Variants in IFNG-AS1 observed in about 807,000 individuals in gnomAD.
IFNG-AS1 encodes the protein IFNG regulatory antisense RNA 1.
chr12:68,002,699 G>A (rs367857431), intron 2 of IFNG-AS1, among the ~76,000 whole-genome samples: 10 of 152,204 alleles, frequency 6.6e-5, no homozygotes, highest in Non-Finnish European at 1.0e-4. Flanking sequence ...ATCATTTCCC[G>A]CCTGCTCCCT....
chr12:68,009,465 C>T (rs1179330503), intron 3 of IFNG-AS1, among the ~76,000 whole-genome samples: 4 of 152,276 alleles, frequency 2.6e-5, no homozygotes, highest in Non-Finnish European at 4.4e-5. Context: ...CCTCAGCCTC[C>T]TGAGTAGCTG....
At chr12:68,008,934 C>T (rs1197280542) in intron 3 of IFNG-AS1, among the ~76,000 whole-genome samples, 1 of 152,182 alleles carries the variant, frequency 6.6e-6, no homozygotes, top group African/African-American at 2.4e-5. Flanking sequence ...GTGTCTGCTA[C>T]AAGCACTCCA....
At chr12:68,020,482 C>G (rs1053070333) in intron 4 of IFNG-AS1, 1 of 152,076 alleles carries the variant, frequency 6.6e-6, no homozygotes, top group Admixed American at 6.6e-5. Flanking sequence ...GAGAGAGGGC[C>G]AAAAGTTCTT....
chr12:68,013,160 A>G (rs1159820640), intron 3 of IFNG-AS1, among the ~76,000 whole-genome samples: 3 of 152,238 alleles, frequency 2.0e-5, no homozygotes, highest in African/African-American at 7.2e-5. Flanking sequence ...AATTTTATTG[A>G]ATTAGTTTGC....
intron 2 of IFNG-AS1, among the ~76,000 whole-genome samples, chr12:68,003,567 G>T (rs1427561579): frequency 1.3e-5 from 2 of 152,052 alleles, no homozygotes; most frequent in Non-Finnish European, 2.9e-5. Context: ...ACTCAGGTCA[G>T]ATGGATTTCC....
At chr12:68,016,631 T>C (rs2120479451) in intron 3 of IFNG-AS1, among the ~76,000 whole-genome samples, 1 of 152,322 alleles carries the variant, frequency 6.6e-6, no homozygotes, top group Non-Finnish European at 1.5e-5. Flanking sequence ...TGGCACTTAG[T>C]AAGTATGATC....
upstream of IFNG-AS1, chr12:67,989,485 C>T (rs1174880262): frequency 3.3e-5 from 5 of 152,144 alleles, no homozygotes; most frequent in African/African-American, 9.7e-5. Flanking sequence ...AAAGAGATCT[C>T]AAGTATACCT....
intron 1 of IFNG-AS1, among the ~76,000 whole-genome samples, chr12:67,995,722 CAAAAA>C (rs34179056): frequency 1.3e-5 from 1 of 77,346 alleles, no homozygotes; most frequent in Non-Finnish European, 2.6e-5. Context: ...ACTCGGTCTC[CAAAAA>C]AAAAAAAAAA....
intron 3 of IFNG-AS1, among the ~76,000 whole-genome samples, chr12:68,018,184 C>T (rs566288900): frequency 1.3e-5 from 2 of 152,190 alleles, no homozygotes; most frequent in African/African-American, 2.4e-5. Context: ...ATAGAATTTA[C>T]CACATGGGTT....
chr12:68,005,512 A>G (rs1006144391), intron 2 of IFNG-AS1, among the ~76,000 whole-genome samples: 1 of 152,234 alleles, frequency 6.6e-6, no homozygotes, highest in African/African-American at 2.4e-5. Context: ...ACCAAATCAA[A>G]ACAATGATCC....
intron 1 of IFNG-AS1, among the ~76,000 whole-genome samples, chr12:67,991,822 C>A (rs1302997943): frequency 6.6e-6 from 1 of 152,206 alleles, no homozygotes; most frequent in African/African-American, 2.4e-5. Flanking sequence ...ATTCTGCCAT[C>A]TCTTAGCTCT....
intron 3 of IFNG-AS1, among the ~76,000 whole-genome samples, chr12:68,006,475 G>A (rs1879908032): frequency 6.6e-6 from 1 of 152,080 alleles, no homozygotes; most frequent in South Asian, 2.1e-4. Context: ...ACTCATGAAG[G>A]AAGGGATCAG....
At chr12:68,004,480 G>A (rs1879862639) in intron 2 of IFNG-AS1, among the ~76,000 whole-genome samples, 2 of 152,142 alleles carry the variant, frequency 1.3e-5, no homozygotes, top group Non-Finnish European at 2.9e-5. Flanking sequence ...GGTAGCAAGG[G>A]AAAGGCATGT....
intron 1 of IFNG-AS1, among the ~76,000 whole-genome samples, chr12:67,995,574 T>C (rs948925486): frequency 6.6e-6 from 1 of 151,472 alleles, no homozygotes; most frequent in Non-Finnish European, 1.5e-5. Context: ...TACAAAAAAT[T>C]AGCCAGGCAT....
intron 3 of IFNG-AS1, among the ~76,000 whole-genome samples, chr12:68,014,615 T>C (rs1162859968): frequency 2.0e-5 from 3 of 152,198 alleles, no homozygotes; most frequent in Admixed American, 1.3e-4. Context: ...AGCAGACAGC[T>C]TTTGAACTTC....
intron 3 of IFNG-AS1, among the ~76,000 whole-genome samples, chr12:68,009,761 C>T (rs1321591738): frequency 2.0e-5 from 3 of 152,138 alleles, no homozygotes; most frequent in African/African-American, 7.2e-5. Flanking sequence ...TTGTCTTTTT[C>T]CATCTGGTGG....
chr12:68,009,937 C>A (rs571237757), intron 3 of IFNG-AS1, among the ~76,000 whole-genome samples: 1 of 152,304 alleles, frequency 6.6e-6, no homozygotes, highest in African/African-American at 2.4e-5. Context: ...ATAAAAGCAA[C>A]TTCCAAAATT....
intron 3 of IFNG-AS1, among the ~76,000 whole-genome samples, chr12:68,009,461 C>T (rs1327152239): frequency 6.6e-6 from 1 of 152,170 alleles, no homozygotes; most frequent in African/African-American, 2.4e-5. Flanking sequence ...CCTGCCTCAG[C>T]CTCCTGAGTA....
At chr12:67,990,591 A>C (rs1879484821) in intron 1 of IFNG-AS1, among the ~76,000 whole-genome samples, 1 of 142,766 alleles carries the variant, frequency 7.0e-6, no homozygotes, top group Non-Finnish European at 1.5e-5. Flanking sequence ...TTTGAAATAC[A>C]TTAATACTTT....
Sources: allele counts gnomAD v4.1 joint callset (sites outside exome capture counted in the v4.1 genomes callset), GRCh38; gene constraint gnomAD v4.1.1; transcripts MANE v1.5; gene names NCBI Gene and HGNC (gene_info 2026-07-23, HGNC 2026-07-21).